EFNA5: variants seen among roughly 807,000 people sequenced by gnomAD.
The protein encoded by EFNA5 is ephrin-A5.
EFNA5 carries 5 observed loss-of-function variants against 22.9 expected under a neutral mutation model. The ratio of observed to expected loss-of-function variants is 0.22; its 90% CI spans 0.11 to 0.46. EFNA5 has a LOEUF of 0.46. EFNA5 is among the 20% of genes least tolerant of loss of function. The probability of loss-of-function intolerance (pLI) is 0.99; values close to 1 mark genes in which losing one functional copy is unlikely to be tolerated. For synonymous variants in EFNA5, 113 were observed against 112.2 expected (o/e 1.01, Z -0.04); for missense variants, 237 against 293.3 (o/e 0.81, Z 1.40).
chr5:107,385,138 G>T (rs1381156730), intron 4 of EFNA5, among the ~76,000 whole-genome samples: 1 of 151,968 alleles, frequency 6.6e-6, no homozygotes, highest in Non-Finnish European at 1.5e-5. Context: ...GCAGTTATAT[G>T]TCCATCAATT....
At chr5:107,556,610 G>T (rs1748422088) in intron 1 of EFNA5, among the ~76,000 whole-genome samples, 1 of 151,958 alleles carries the variant, frequency 6.6e-6, no homozygotes, top group African/African-American at 2.4e-5. Context: ...GCTGGGCATG[G>T]TAGCGGGTAC....
At chr5:107,433,332 A>T (rs152613) in intron 1 of EFNA5, among the ~76,000 whole-genome samples, 55,330 of 152,080 alleles carry the variant, frequency 0.36, 10,175 homozygotes, top group East Asian at 0.53. Context: ...GGAAAATAAA[A>T]TTCAGCATGG....
intron 1 of EFNA5, among the ~76,000 whole-genome samples, chr5:107,584,770 T>G (rs1749141385): frequency 1.3e-5 from 2 of 152,158 alleles, no homozygotes; most frequent in African/African-American, 4.8e-5. Context: ...TAGTAGGCAC[T>G]CAATAAGTGT....
At chr5:107,497,760 A>C (rs1185336601) in intron 1 of EFNA5, among the ~76,000 whole-genome samples, 1 of 152,242 alleles carries the variant, frequency 6.6e-6, no homozygotes, top group Non-Finnish European at 1.5e-5. Context: ...TGCCATTAAG[A>C]ACACTAACAT....
chr5:107,394,456 C>T (rs1017826358), intron 2 of EFNA5, among the ~76,000 whole-genome samples: 1 of 152,196 alleles, frequency 6.6e-6, no homozygotes, highest in South Asian at 2.1e-4. Flanking sequence ...ATGTGTTTCC[C>T]ACCACATAAC....
At chr5:107,516,641 C>A (rs1747488052) in intron 1 of EFNA5, among the ~76,000 whole-genome samples, 1 of 152,074 alleles carries the variant, frequency 6.6e-6, no homozygotes, top group Non-Finnish European at 1.5e-5. Flanking sequence ...ACCATGAAGC[C>A]CACATCTAAG....
intron 1 of EFNA5, among the ~76,000 whole-genome samples, chr5:107,481,622 T>C (rs369996702): frequency 6.6e-6 from 1 of 151,144 alleles, no homozygotes; most frequent in East Asian, 2.0e-4. Context: ...GAGGCCAAGG[T>C]GGGTGGATCA....
At chr5:107,527,235 A>G (rs1028677058) in intron 1 of EFNA5, among the ~76,000 whole-genome samples, 3 of 152,142 alleles carry the variant, frequency 2.0e-5, no homozygotes, top group Admixed American at 2.0e-4. Context: ...AGATGTATAA[A>G]TGGGTTATTC....
chr5:107,443,512 C>G (rs748820070), intron 1 of EFNA5, among the ~76,000 whole-genome samples: 4 of 152,206 alleles, frequency 2.6e-5, no homozygotes, highest in Non-Finnish European at 5.9e-5. Context: ...AATGAAACTA[C>G]TGTACAGTGC....
intron 2 of EFNA5, among the ~76,000 whole-genome samples, chr5:107,422,738 G>C (rs1223827814): frequency 6.6e-6 from 1 of 152,154 alleles, no homozygotes; most frequent in African/African-American, 2.4e-5. Context: ...CCAGGTTAGA[G>C]ACTGTGGACT....
intron 1 of EFNA5, among the ~76,000 whole-genome samples, chr5:107,481,859 A>AAAG (rs549464639): frequency 4.6e-5 from 7 of 151,166 alleles, no homozygotes; most frequent in Admixed American, 1.3e-4. Flanking sequence ...CAAAAAAAAA[A>AAAG]AAAAGAAAAG....
chr5:107,549,749 T>C (rs887356411), intron 1 of EFNA5, among the ~76,000 whole-genome samples: 3 of 152,260 alleles, frequency 2.0e-5, no homozygotes, highest in Non-Finnish European at 2.9e-5. Context: ...GTAAGAGTCC[T>C]GGCAGTGGCC....
At chr5:107,559,043 CA>C (rs1748478574) in intron 1 of EFNA5, among the ~76,000 whole-genome samples, 1 of 152,156 alleles carries the variant, frequency 6.6e-6, no homozygotes, top group African/African-American at 2.4e-5. Context: ...GACAGAATGG[CA>C]AGAAGGGATG....
At chr5:107,578,985 T>A (rs1748984865) in intron 1 of EFNA5, among the ~76,000 whole-genome samples, 1 of 152,130 alleles carries the variant, frequency 6.6e-6, no homozygotes, top group Non-Finnish European at 1.5e-5. Context: ...ATTTTTTTAA[T>A]GGAGGAAAGG....
At position 107,380,564 on chromosome 5, in the gene EFNA5, C is replaced by A; in HGVS notation, c.*691G>T. ...ACCTGCTCTGTATTAGCATTCCACA[C>A]CCAACCTGCCTCCTAGAAAAAAAAA... On this transcript the variant is annotated 3_prime_UTR_variant, in exon 5 of 5. Coordinates refer to ENST00000333274, the MANE Select transcript of EFNA5 (RefSeq NM_001962.3). 2.8e-6 allele frequency: 1 copy of A among 352,378 alleles called. No individual in the cohort carries two copies. Among genetic ancestry groups the A allele is most frequent in the East Asian group, 4.1e-5 (1 of 24,218 alleles). 21.8% of individuals were successfully genotyped at this position (352,378 alleles called of 1,614,324 possible). A position where few individuals can be genotyped will look rare whatever the true frequency, so the allele number is the denominator to read the frequency against.
intron 2 of EFNA5, among the ~76,000 whole-genome samples, chr5:107,416,142 T>C (rs1043813219): frequency 1.6e-4 from 24 of 152,330 alleles, no homozygotes; most frequent in African/African-American, 3.4e-4. Flanking sequence ...AACCATTCAA[T>C]AGTACTCTGC....
chr5:107,429,899 A>G (rs1232276931), intron 1 of EFNA5, among the ~76,000 whole-genome samples: 2 of 152,246 alleles, frequency 1.3e-5, no homozygotes, highest in African/African-American at 4.8e-5. Flanking sequence ...AAAATCATAT[A>G]GAAATGTTAA....
Position 107,403,628 on chromosome 5 carries a change from G to A in EFNA5, c.419-15857C>T, listed in dbSNP as rs1380144855. Among the ~76,000 whole-genome samples, 3 of 152,152 alleles carry A rather than the reference G, an allele frequency of 2.0e-5. No individual in the cohort carries two copies. In the East Asian group the frequency reaches 5.8e-4, roughly 29 times the overall value. On this transcript the variant is annotated intron_variant, in intron 2 of 4. Transcript: ENST00000333274. ...ACATTAGACTAACAAATTTCAATTTGATGTCCTTTGCCGCATATTGAACAT... is the reference window on the plus strand; with the variant it reads ...ACATTAGACTAACAAATTTCAATTTAATGTCCTTTGCCGCATATTGAACAT...
chr5:107,477,235 G>A (rs1324269111), intron 1 of EFNA5, among the ~76,000 whole-genome samples: 1 of 152,102 alleles, frequency 6.6e-6, no homozygotes, highest in Non-Finnish European at 1.5e-5. Context: ...GTGTAGATAA[G>A]AGATACTAAT....
Sources: gnomAD v4.1 joint callset for allele counts (sites outside exome capture counted in the v4.1 genomes callset) on GRCh38, gnomAD v4.1.1 for gene constraint, MANE v1.5 for transcripts, NCBI Gene and HGNC (gene_info 2026-07-23, HGNC 2026-07-21) for gene names.